Variants in ENTREP2 observed in about 807,000 individuals in gnomAD.
ENTREP2 encodes endosomal transmembrane epsin interactor 2, also known as protein ENTREP2.
the ENTREP2 span, chr15:29,570,699 C>T: frequency 3.5e-6 from 4 of 1,139,576 alleles, no homozygotes; most frequent in Non-Finnish European, 4.3e-6. Context: ...GGACGCGGCG[C>T]TCGGGGGCCG....
the ENTREP2 span, among the ~76,000 whole-genome samples, chr15:29,137,981 T>C: frequency 6.6e-6 from 1 of 152,124 alleles, no homozygotes; most frequent in African/African-American, 2.4e-5. Flanking sequence ...TGCTCCCTTC[T>C]TGGAGTCCTG....
At chr15:29,341,592 C>T in the ENTREP2 span, among the ~76,000 whole-genome samples, 1 of 152,170 alleles carries the variant, frequency 6.6e-6, no homozygotes, top group East Asian at 1.9e-4. Flanking sequence ...CCAGGTGCCG[C>T]GCAGACAGGA....
chr15:29,536,071 G>A, the ENTREP2 span, among the ~76,000 whole-genome samples: 1 of 152,140 alleles, frequency 6.6e-6, no homozygotes, highest in Non-Finnish European at 1.5e-5. Context: ...TCAAGGTCAA[G>A]TGAATCTACC....
At chr15:29,540,866 CT>C in the ENTREP2 span, among the ~76,000 whole-genome samples, 1 of 152,190 alleles carries the variant, frequency 6.6e-6, no homozygotes, top group African/African-American at 2.4e-5. Flanking sequence ...AAAAAGCTAT[CT>C]TAAAATAAAT....
At chr15:29,549,217 T>C in the ENTREP2 span, among the ~76,000 whole-genome samples, 1 of 152,176 alleles carries the variant, frequency 6.6e-6, no homozygotes, top group African/African-American at 2.4e-5. Context: ...GAGGGCTGCC[T>C]GATTCTAGAA....
At chr15:29,555,257 G>C in the ENTREP2 span, among the ~76,000 whole-genome samples, 5 of 152,248 alleles carry the variant, frequency 3.3e-5, no homozygotes, top group African/African-American at 7.2e-5. Context: ...CGTAGCACCT[G>C]AATTTTCTAA....
the ENTREP2 span, among the ~76,000 whole-genome samples, chr15:29,532,507 A>G: frequency 1.3e-5 from 2 of 152,344 alleles, no homozygotes; most frequent in African/African-American, 2.4e-5. Context: ...TTGAGTAATT[A>G]CAACACCAGC....
At chr15:29,657,862 A>G in the ENTREP2 span, among the ~76,000 whole-genome samples, 9 of 152,160 alleles carry the variant, frequency 5.9e-5, no homozygotes, top group Admixed American at 1.3e-4. Flanking sequence ...TAGTGTGTGT[A>G]TGTATATATA....
the ENTREP2 span, among the ~76,000 whole-genome samples, chr15:29,640,124 C>G: frequency 6.6e-6 from 1 of 152,022 alleles, no homozygotes; most frequent in African/African-American, 2.4e-5. Flanking sequence ...CCTAGGCTGA[C>G]TGACAGAAAA....
chr15:29,172,648 G>A, the ENTREP2 span, among the ~76,000 whole-genome samples: 1 of 152,132 alleles, frequency 6.6e-6, no homozygotes, highest in African/African-American at 2.4e-5. Flanking sequence ...CCTTCATAAT[G>A]CCCTTGATTC....
the ENTREP2 span, among the ~76,000 whole-genome samples, chr15:29,468,083 G>C: frequency 3.3e-5 from 5 of 152,292 alleles, no homozygotes; most frequent in East Asian, 7.7e-4. Context: ...CTGCTTGAAA[G>C]CAAGATCATC....
the ENTREP2 span, among the ~76,000 whole-genome samples, chr15:29,153,569 A>C: frequency 6.6e-6 from 1 of 152,242 alleles, no homozygotes; most frequent in Non-Finnish European, 1.5e-5. Context: ...CTATTAAATA[A>C]TAACATATTG....
At chr15:29,250,636 C>G in the ENTREP2 span, among the ~76,000 whole-genome samples, 10 of 152,180 alleles carry the variant, frequency 6.6e-5, no homozygotes, top group African/African-American at 2.4e-4. Context: ...CACCCAATCA[C>G]TCTGTCTCCC....
the ENTREP2 span, among the ~76,000 whole-genome samples, chr15:29,493,125 CTTTTTTTTT>C: frequency 2.4e-5 from 2 of 84,774 alleles, no homozygotes; most frequent in Admixed American, 2.7e-4. Context: ...CCTGACAACC[CTTTTTTTTT>C]TTTTTTTTTT....
At chr15:29,125,137 C>T in the ENTREP2 span, among the ~76,000 whole-genome samples, 17 of 152,168 alleles carry the variant, frequency 1.1e-4, no homozygotes, top group Non-Finnish European at 2.1e-4. Context: ...GTGTGGGTGC[C>T]GAGGTGTGAA....
At chr15:29,191,914 A>G in the ENTREP2 span, among the ~76,000 whole-genome samples, 1 of 152,168 alleles carries the variant, frequency 6.6e-6, no homozygotes, top group Non-Finnish European at 1.5e-5. Flanking sequence ...CCCTGTCTCA[A>G]AAGAGTTTGT....
chr15:29,584,397 C>G, the ENTREP2 span, among the ~76,000 whole-genome samples: 1 of 151,954 alleles, frequency 6.6e-6, no homozygotes, highest in African/African-American at 2.4e-5. Flanking sequence ...TCAACCTAAT[C>G]ATCCATTGAT....
At chr15:29,463,228 G>T in the ENTREP2 span, among the ~76,000 whole-genome samples, 19 of 152,270 alleles carry the variant, frequency 1.2e-4, no homozygotes, top group African/African-American at 4.3e-4. Flanking sequence ...GGAAACCAGG[G>T]GTTGGAAAGA....
chr15:29,604,878 G>C, the ENTREP2 span, among the ~76,000 whole-genome samples: 1 of 152,160 alleles, frequency 6.6e-6, no homozygotes, highest in Non-Finnish European at 1.5e-5. Context: ...AGCCCTTACC[G>C]GCATCACGAG....
Sources: allele counts gnomAD v4.1 joint callset (sites outside exome capture counted in the v4.1 genomes callset), GRCh38; gene constraint gnomAD v4.1.1; transcripts MANE v1.5; gene names NCBI Gene and HGNC (gene_info 2026-07-23, HGNC 2026-07-21).